GNB5: variants seen among roughly 807,000 people sequenced by gnomAD.
The protein encoded by GNB5 is guanine nucleotide-binding protein subunit beta-5.
GNB5 carries 37 observed loss-of-function variants against 55.3 expected under a neutral mutation model. That is an observed-to-expected ratio of 0.67 (90% confidence interval 0.51 to 0.88). The LOEUF (loss-of-function observed/expected upper bound fraction) is 0.88. GNB5 is among the 40% of genes least tolerant of loss of function. The probability of loss-of-function intolerance (pLI) is 0.00; values close to 1 mark genes in which losing one functional copy is unlikely to be tolerated. For synonymous variants in GNB5, 219 were observed against 198.5 expected (o/e 1.10, Z -0.87); for missense variants, 476 against 515.3 (o/e 0.92, Z 0.74).
chr15:52,169,069 A>T (rs1332068754), intron 3 of GNB5, among the ~76,000 whole-genome samples: 2 of 152,244 alleles, frequency 1.3e-5, no homozygotes, highest in African/African-American at 4.8e-5. Flanking sequence ...CACGCCTGTA[A>T]TCCCAGCATT....
At position 52,122,693 on chromosome 15, in the gene GNB5, A is replaced by C; in HGVS notation, c.*64T>G. On this transcript the variant is annotated 3_prime_UTR_variant, in exon 13 of 13. Transcript: ENST00000261837. ...TAAACTCTAAGCTCCTCTAGAAGTA[A>C]TATCTATTTACATGTGAAGATTTCA... 1 of 1,282,312 alleles carries C rather than the reference A, an allele frequency of 7.8e-7. No homozygotes were observed. Among genetic ancestry groups the C allele is most frequent in the South Asian group, 1.2e-5 (1 of 84,464 alleles). 79.4% of individuals were successfully genotyped at this position (1,282,312 alleles called of 1,614,324 possible). A position where few individuals can be genotyped will look rare whatever the true frequency, so the allele number is the denominator to read the frequency against.
intron 3 of GNB5, among the ~76,000 whole-genome samples, chr15:52,174,740 T>G (rs2034617732): frequency 6.6e-6 from 1 of 152,180 alleles, no homozygotes; most frequent in South Asian, 2.1e-4. Context: ...CTATCCTGGT[T>G]TGCCTAGGGC....
intron 7 of GNB5, among the ~76,000 whole-genome samples, chr15:52,136,259 T>G (rs981777006): frequency 6.6e-6 from 1 of 151,716 alleles, no homozygotes; most frequent in Non-Finnish European, 1.5e-5. Flanking sequence ...TCACAGTCCT[T>G]GAGTTGTGTT....
chr15:52,164,179 G>A (rs1194722918), intron 3 of GNB5, among the ~76,000 whole-genome samples: 1 of 151,826 alleles, frequency 6.6e-6, no homozygotes, highest in Non-Finnish European at 1.5e-5. Flanking sequence ...GTGATGGCGG[G>A]CGCCTGTAAT....
At chr15:52,133,294 G>A in intron 9 of GNB5, 84 bp downstream of exon 9, 1 of 892,876 alleles carries the variant, frequency 1.1e-6, no homozygotes, top group Non-Finnish European at 1.8e-6. Context: ...AACTGAGTCT[G>A]GAGGCGGTTC....
chr15:52,128,088 T>A lies in GNB5; in HGVS notation c.912+108A>T, dbSNP rs2033473745. ...ATTTAATATTCCCCTAAATTTTCTTTATTGAATACTCGTTACTTCTGTAAC... is the reference window on the plus strand; with the variant it reads ...ATTTAATATTCCCCTAAATTTTCTTAATTGAATACTCGTTACTTCTGTAAC... On this transcript the variant is annotated intron_variant, in intron 10 of 12. Transcript: ENST00000261837. 4 of 666,152 alleles carry A rather than the reference T, an allele frequency of 6.0e-6. No homozygotes were observed. The East Asian group carries it at 8.5e-5, about 14-fold the overall frequency. The allele number at this position is 666,152 out of a possible 1,614,324, so 41.3% of individuals were successfully genotyped here.
Position 52,147,495 on chromosome 15 carries a change from C to G in GNB5, c.458G>C (p.Cys153Ser). Residue 153 changes from cysteine to serine, a missense_variant, in exon 6 of 13, where the codon TGT (cysteine) becomes TCT (serine). By Grantham distance (112) the Cys-to-Ser change is moderately radical (BLOSUM62 -1). Transcript: ENST00000261837. Reference protein sequence around the residue: ...VTMPCTWVMACAYAPSGCAIA... With the variant: ...VTMPCTWVMASAYAPSGCAIA... ...GGCACATCCCGATGGGGCATAAGCA[C>G]ATGCCATCACCCACGTGCAGGGCAT... 1 of 1,607,302 alleles carries G rather than the reference C, an allele frequency of 6.2e-7. No individual in the cohort carries two copies. Among genetic ancestry groups the G allele is most frequent in the South Asian group, 1.1e-5 (1 of 90,896 alleles).
At chr15:52,161,373 C>T (rs2034327940) in intron 3 of GNB5, among the ~76,000 whole-genome samples, 1 of 152,196 alleles carries the variant, frequency 6.6e-6, no homozygotes, top group Admixed American at 6.5e-5. Context: ...TCTTGGCTCA[C>T]TGCAACCTCC....
chr15:52,158,830 T>C (rs564706236), intron 3 of GNB5, among the ~76,000 whole-genome samples: 63 of 152,252 alleles, frequency 4.1e-4, no homozygotes, highest in Non-Finnish European at 6.9e-4. Flanking sequence ...TCCAGGTATA[T>C]GAGAGTCAGT....
At chr15:52,125,494 C>G (rs2033400231) in intron 11 of GNB5, 1 of 153,028 alleles carries the variant, frequency 6.5e-6, no homozygotes, top group Non-Finnish European at 1.5e-5. Context: ...GTTGGCCAGG[C>G]TGGTTTTGAA....
chr15:52,126,018 A>C lies in GNB5; in HGVS notation c.939T>G (p.Asp313Glu). Reference protein sequence around the residue: ...ATCRLYDLRADREVAIYSKES... With the variant: ...ATCRLYDLRAEREVAIYSKES... ...CTTTGGAATAGATGGCAACCTCCCTATCTGCCCGCAGGTCATAGAGGCGAC... is the reference window on the plus strand; with the variant it reads ...CTTTGGAATAGATGGCAACCTCCCTCTCTGCCCGCAGGTCATAGAGGCGAC... The change falls in exon 11 of 13, where the codon GAT becomes GAG. Residue 313 changes from aspartate to glutamate, a missense_variant. Asp to Glu is a conservative substitution (Grantham distance 45). Coordinates refer to ENST00000261837, the MANE Select transcript of GNB5 (RefSeq NM_016194.4). The C allele has an allele frequency of 6.3e-7, 1 of 1,583,098 alleles. No homozygotes were observed. The highest frequency in any genetic ancestry group is 8.7e-7 in the Non-Finnish European group (1 of 1,154,420).
At chr15:52,184,779 G>A (rs1264580968) in intron 1 of GNB5, 85 bp from the exon 2 acceptor site, 4 of 1,135,980 alleles carry the variant, frequency 3.5e-6, no homozygotes, top group Admixed American at 4.3e-5. Flanking sequence ...TTGTACCGTG[G>A]TAGCTATTCA....
intron 7 of GNB5, among the ~76,000 whole-genome samples, chr15:52,136,133 C>A (rs2033710495): frequency 2.4e-5 from 3 of 124,220 alleles, no homozygotes; most frequent in African/African-American, 1.0e-4. Context: ...CACACACACA[C>A]ACACACACAC....
At chr15:52,144,359 A>G (rs1404850144) in intron 6 of GNB5, 5 of 152,268 alleles carry the variant, frequency 3.3e-5, no homozygotes, top group Non-Finnish European at 7.3e-5. Context: ...TAATATTTCA[A>G]TATTGGATAT....
rs78721516 is a variant in GNB5 at position 52,187,491 on chromosome 15, C to T, written c.-18-2797G>A. The stretch of plus-strand genomic sequence containing the variant: ...GGAAGGCGAGAGGAACCTATGGCAC[C>T]AAGTGGAGGAGGAATAGAAGGATGG... On this transcript the variant is annotated intron_variant, in intron 1 of 12. Transcript: ENST00000261837. Among the ~76,000 whole-genome samples the T allele has an allele frequency of 7.9e-5, 12 of 151,952 alleles. No homozygotes were observed. The East Asian group carries it at 2.1e-3, about 27-fold the overall frequency.
chr15:52,184,796 T>G, intron 1 of GNB5, 102 bp from the exon 2 acceptor site: 9 of 835,984 alleles, frequency 1.1e-5, no homozygotes, highest in Non-Finnish European at 1.7e-5. Context: ...TTCAGACGTC[T>G]ACATGTGGGA....
chr15:52,119,777 G>A lies in GNB5; in HGVS notation c.*2980C>T, dbSNP rs182992412. 6.6e-6 allele frequency: 1 copy of A among 152,068 alleles called. No homozygotes were observed. The highest frequency in any genetic ancestry group is 1.5e-5 in the Non-Finnish European group (1 of 68,020). The allele number at this position is 152,068 out of a possible 1,614,324, so 9.4% of individuals were successfully genotyped here. ...AAGGCCAGCCCTCTTATGTCACCAAGGCATCCCTCTAACTCACAGAGGAGT... is the reference window on the plus strand; with the variant it reads ...AAGGCCAGCCCTCTTATGTCACCAAAGCATCCCTCTAACTCACAGAGGAGT... On this transcript the variant is annotated 3_prime_UTR_variant, in exon 13 of 13. Transcript: ENST00000261837.
chr15:52,117,102 A>ATTTTTTTTTTTTTTTTTTTTTTTTTTTT lies in GNB5; in HGVS notation c.*5654_*5655insAAAAAAAAAAAAAAAAAAAAAAAAAAAA. Reference sequence around the variant, plus strand: ...CCACGCCCAGCTAATATATATATATATTTTTTTTTAGTACAGACAGGGTTT... The same window carrying ATTTTTTTTTTTTTTTTTTTTTTTTTTTT: ...CCACGCCCAGCTAATATATATATATATTTTTTTTTTTTTTTTTTTTTTTTTTTTTTTTTTTTTAGTACAGACAGGGTTT... On this transcript the variant is annotated 3_prime_UTR_variant, in exon 13 of 13. Transcript: ENST00000261837. The ATTTTTTTTTTTTTTTTTTTTTTTTTTTT allele has an allele frequency of 1.1e-5, 1 of 87,102 alleles. No individual in the cohort carries two copies. Among genetic ancestry groups the ATTTTTTTTTTTTTTTTTTTTTTTTTTTT allele is most frequent in the Non-Finnish European group, 2.2e-5 (1 of 46,204 alleles). The allele number at this position is 87,102 out of a possible 1,614,324, so 5.4% of individuals were successfully genotyped here.
chr15:52,179,131 T>C (rs928966628), intron 3 of GNB5, among the ~76,000 whole-genome samples: 1 of 152,220 alleles, frequency 6.6e-6, no homozygotes, highest in African/African-American at 2.4e-5. Context: ...GCTATGGCTT[T>C]TTTATGCCAA....
Sources: allele counts gnomAD v4.1 joint callset (sites outside exome capture counted in the v4.1 genomes callset), GRCh38; gene constraint gnomAD v4.1.1; transcripts MANE v1.5; gene names NCBI Gene and HGNC (gene_info 2026-07-23, HGNC 2026-07-21).